Variants in TRAPPC9 observed in about 807,000 individuals in gnomAD.
The protein encoded by TRAPPC9 is trafficking protein particle complex subunit 9, also known as IKK2 binding protein.
Under a neutral mutation model 124.0 loss-of-function variants are expected in TRAPPC9, and 83 were observed. The ratio of observed to expected loss-of-function variants is 0.67; its 90% CI spans 0.56 to 0.80. The LOEUF (loss-of-function observed/expected upper bound fraction) is 0.80, where lower values mean the gene tolerates loss of function less well. TRAPPC9 is among the 30% of genes least tolerant of loss of function. The pLI, the probability that TRAPPC9 is intolerant of heterozygous loss-of-function variation, is 0.00. For missense variants in TRAPPC9, 1,302 were observed against 1,508.3 expected (o/e 0.86, Z 2.27); for synonymous variants, 638 against 617.5 (o/e 1.03, Z -0.49).
At chr8:140,343,618 A>G (rs2067256666) in intron 9 of TRAPPC9, among the ~76,000 whole-genome samples, 1 of 152,152 alleles carries the variant, frequency 6.6e-6, no homozygotes, top group South Asian at 2.1e-4. Context: ...TCAGAAACAG[A>G]CAAAGACCCA....
chr8:140,419,488 G>C (rs1201054724), intron 5 of TRAPPC9, among the ~76,000 whole-genome samples: 1 of 147,758 alleles, frequency 6.8e-6, no homozygotes, highest in African/African-American at 2.5e-5. Context: ...AGAAGGGAAT[G>C]TTCTCAACCT....
At chr8:140,134,042 G>C (rs2061250870) in intron 17 of TRAPPC9, among the ~76,000 whole-genome samples, 1 of 151,800 alleles carries the variant, frequency 6.6e-6, no homozygotes, top group Non-Finnish European at 1.5e-5. Flanking sequence ...TGGAAAAAAT[G>C]ACCCTCAATT....
At chr8:140,157,013 G>GCCTCCCTTTCCATTCAA (rs1563804211) in intron 17 of TRAPPC9, among the ~76,000 whole-genome samples, 9 of 22,144 alleles carry the variant, frequency 4.1e-4, no homozygotes, top group East Asian at 3.9e-3. Context: ...TTTCCATTCA[G>GCCTCCCTTTCCATTCAA]AAGCCTCCCT....
chr8:140,154,691 C>T (rs1239746570), intron 17 of TRAPPC9, among the ~76,000 whole-genome samples: 3 of 152,198 alleles, frequency 2.0e-5, no homozygotes, highest in Non-Finnish European at 4.4e-5. Flanking sequence ...CTTGTCTAGG[C>T]CTGCCTATGA....
intron 17 of TRAPPC9, among the ~76,000 whole-genome samples, chr8:140,142,945 T>C (rs2061404166): frequency 6.6e-6 from 1 of 152,178 alleles, no homozygotes; most frequent in South Asian, 2.1e-4. Flanking sequence ...CTCACTCTTC[T>C]ACTCAGATAC....
intron 17 of TRAPPC9, among the ~76,000 whole-genome samples, chr8:140,070,597 T>C (rs1369939734): frequency 6.6e-6 from 1 of 152,182 alleles, no homozygotes; most frequent in Non-Finnish European, 1.5e-5. Flanking sequence ...AAGGAGCTCC[T>C]TGAGGGGAGG....
intron 5 of TRAPPC9, among the ~76,000 whole-genome samples, chr8:140,411,620 G>GGGAT (rs2069710245): frequency 6.6e-6 from 1 of 152,160 alleles, no homozygotes; most frequent in Admixed American, 6.5e-5. Context: ...GGGATTACAG[G>GGGAT]TATGAGCCAC....
intron 21 of TRAPPC9, among the ~76,000 whole-genome samples, chr8:139,755,634 C>T (rs1819689562): frequency 8.6e-6 from 1 of 116,202 alleles, no homozygotes; most frequent in Admixed American, 8.6e-5. Context: ...GACAGCAGGT[C>T]GCAGGAGGAG....
intron 20 of TRAPPC9, among the ~76,000 whole-genome samples, chr8:139,891,921 GC>G (rs2131158590): frequency 6.6e-6 from 1 of 152,342 alleles, no homozygotes; most frequent in African/African-American, 2.4e-5. Flanking sequence ...CAAGAAACTG[GC>G]CAAGGCCACA....
intron 13 of TRAPPC9, among the ~76,000 whole-genome samples, chr8:140,286,076 C>A (rs1161804454): frequency 6.6e-6 from 1 of 152,222 alleles, no homozygotes; most frequent in Admixed American, 6.5e-5. Flanking sequence ...GGGCCTAGGC[C>A]AGCGAGCCCA....
intron 21 of TRAPPC9, among the ~76,000 whole-genome samples, chr8:139,751,104 C>T (rs1819280604): frequency 6.6e-6 from 1 of 152,188 alleles, no homozygotes; most frequent in Non-Finnish European, 1.5e-5. Context: ...ATCAATACGC[C>T]ATTTAAAATT....
At chr8:140,324,775 TA>T (rs1452087083) in intron 9 of TRAPPC9, among the ~76,000 whole-genome samples, 5 of 152,100 alleles carry the variant, frequency 3.3e-5, no homozygotes, top group Admixed American at 6.5e-5. Context: ...GTCTCAAAAA[TA>T]AATAAGTGAA....
chr8:139,738,920 GGAGT>G (rs964742094), intron 21 of TRAPPC9, among the ~76,000 whole-genome samples: 4 of 152,286 alleles, frequency 2.6e-5, no homozygotes, highest in African/African-American at 9.6e-5. Context: ...TCAGGGATGT[GGAGT>G]GAGTGTCAGA....
chr8:140,158,081 CCT>C (rs1029138467), intron 17 of TRAPPC9, among the ~76,000 whole-genome samples: 205 of 152,198 alleles, frequency 1.3e-3, no homozygotes, highest in Non-Finnish European at 1.9e-3. Flanking sequence ...TAACAGATAA[CCT>C]AATATATACA....
intron 14 of TRAPPC9, among the ~76,000 whole-genome samples, chr8:140,283,508 A>G (rs551657550): frequency 6.6e-6 from 1 of 151,072 alleles, no homozygotes; most frequent in Admixed American, 6.6e-5. Context: ...CGTGTTAGCC[A>G]GGATGGTCTC....
intron 17 of TRAPPC9, among the ~76,000 whole-genome samples, chr8:140,212,111 T>C (rs1332597263): frequency 1.3e-5 from 2 of 152,130 alleles, no homozygotes; most frequent in African/African-American, 2.4e-5. Flanking sequence ...GAGCCTGCGC[T>C]CAGGACCAGC....
At chr8:139,922,586 C>T (rs1301287591) in intron 19 of TRAPPC9, among the ~76,000 whole-genome samples, 5 of 152,238 alleles carry the variant, frequency 3.3e-5, no homozygotes, top group African/African-American at 1.2e-4. Flanking sequence ...CATGTCATTC[C>T]CTGGGCCTCC....
intron 8 of TRAPPC9, among the ~76,000 whole-genome samples, chr8:140,362,142 T>C (rs1299493170): frequency 6.6e-6 from 1 of 152,190 alleles, no homozygotes; most frequent in Non-Finnish European, 1.5e-5. Flanking sequence ...GTTTCTCTCA[T>C]CAATCCTTAA....
At chr8:140,155,577 G>A (rs546947622) in intron 17 of TRAPPC9, among the ~76,000 whole-genome samples, 16 of 152,222 alleles carry the variant, frequency 1.1e-4, no homozygotes, top group Non-Finnish European at 2.1e-4. Flanking sequence ...CATGCAGGCT[G>A]CCTCCAACCC....
Sources: gnomAD v4.1 joint callset for allele counts (sites outside exome capture counted in the v4.1 genomes callset) on GRCh38, gnomAD v4.1.1 for gene constraint, MANE v1.5 for transcripts, NCBI Gene and HGNC (gene_info 2026-07-23, HGNC 2026-07-21) for gene names.